Variants in RDX observed in about 807,000 individuals in gnomAD.
RDX encodes radixin, also known as deafness, autosomal recessive 24.
RDX carries 32 observed loss-of-function variants against 83.7 expected under a neutral mutation model. The observed-to-expected ratio is 0.38, with a 90% CI of 0.29 to 0.51. The LOEUF is 0.51. Ranked by LOEUF, RDX falls within the 20% of genes least tolerant of loss-of-function variation. RDX has a pLI of 0.87. For missense variants in RDX, 600 were observed against 689.9 expected (o/e 0.87, Z 1.46); for synonymous variants, 229 against 222.7 (o/e 1.03, Z -0.25).
At chr11:110,237,920 A>G (rs1329663087) in intron 10 of RDX, 1 of 385,836 alleles carries the variant, frequency 2.6e-6, no homozygotes, top group South Asian at 2.9e-5. Context: ...TACAGGCGCT[A>G]TACCTCGTTT....
chr11:110,184,408 G>C (rs1336845982), intron 15 of RDX, among the ~76,000 whole-genome samples: 2 of 152,222 alleles, frequency 1.3e-5, no homozygotes, highest in African/African-American at 4.8e-5. Flanking sequence ...TCCTGGTGTA[G>C]GGAAATCCAG....
rs376337012 is a variant in RDX at position 110,264,028 on chromosome 11, C to T, written c.399G>A (p.Lys133=). 1.3e-5 allele frequency: 21 copies of T among 1,613,546 alleles called. No homozygotes were observed. The highest frequency in any genetic ancestry group is 1.7e-5 in the Non-Finnish European group (20 of 1,179,610). ...GAATCTCTTTATTGTAATCTCCATA[C>T]TTGGCTTGGACAGCATAGGAAGCCA... The part of the protein sequence containing the change: ...VLLASYAVQA[K]YGDYNKEIHK... Residue 133 remains lysine, a synonymous_variant, in exon 5 of 14, where the codon AAG becomes AAA. Transcript: ENST00000645495.
At chr11:110,208,354 T>C (rs1334071223) in intron 14 of RDX, among the ~76,000 whole-genome samples, 1 of 152,212 alleles carries the variant, frequency 6.6e-6, no homozygotes, top group Non-Finnish European at 1.5e-5. Flanking sequence ...TGCTGCCTGA[T>C]AACTTCATTT....
chr11:110,205,274 C>G (rs1418533742), intron 14 of RDX, among the ~76,000 whole-genome samples: 1 of 151,666 alleles, frequency 6.6e-6, no homozygotes, highest in Non-Finnish European at 1.5e-5. Flanking sequence ...GTAAAAATAA[C>G]CAAACTTTTA....
chr11:110,183,958 T>C (rs532425526), intron 15 of RDX, among the ~76,000 whole-genome samples: 1 of 152,294 alleles, frequency 6.6e-6, no homozygotes, highest in South Asian at 2.1e-4. Flanking sequence ...CTGTGCATTG[T>C]AGGATGTTTT....
chr11:110,278,526 CTAAA>C (rs1435544988), intron 2 of RDX, among the ~76,000 whole-genome samples: 1 of 151,940 alleles, frequency 6.6e-6, no homozygotes, highest in Non-Finnish European at 1.5e-5. Context: ...TTTTTAATAA[CTAAA>C]TAACCAAACT....
chr11:110,242,069 C>A (rs963035751), intron 10 of RDX, among the ~76,000 whole-genome samples: 1 of 152,058 alleles, frequency 6.6e-6, no homozygotes, highest in Middle Eastern at 3.2e-3. Context: ...TTTAGTTTTA[C>A]AAGATGAAAA....
chr11:110,281,938 CA>C (rs750336725), intron 1 of RDX, among the ~76,000 whole-genome samples: 1,655 of 91,182 alleles, frequency 0.018, 15 homozygotes, highest in African/African-American at 0.028. Context: ...CCATCTCTAT[CA>C]AAAAAAAAAA....
At chr11:110,228,313 G>A (rs1565302560), downstream of RDX, among the ~76,000 whole-genome samples, 1 of 152,006 alleles carries the variant, frequency 6.6e-6, no homozygotes, top group Non-Finnish European at 1.5e-5. Flanking sequence ...GCTTTTGTAT[G>A]AGCTAGAATA....
At chr11:110,198,589 T>C (rs1445789299) in intron 15 of RDX, among the ~76,000 whole-genome samples, 1 of 152,194 alleles carries the variant, frequency 6.6e-6, no homozygotes, top group Non-Finnish European at 1.5e-5. Context: ...TATTGTGAAT[T>C]GTGCATGCGA....
chr11:110,262,938 G>A (rs1196840440), intron 5 of RDX, among the ~76,000 whole-genome samples: 3 of 152,168 alleles, frequency 2.0e-5, no homozygotes, highest in Admixed American at 1.3e-4. Flanking sequence ...CAATGCACCA[G>A]CCTAGGAGTC....
chr11:110,269,779 T>C (rs903211117), intron 3 of RDX, among the ~76,000 whole-genome samples: 2 of 152,156 alleles, frequency 1.3e-5, no homozygotes, highest in Non-Finnish European at 2.9e-5. Flanking sequence ...GGCTCACGCC[T>C]GTAATCCTGG....
At chr11:110,295,132 G>C (rs1861394268) in intron 1 of RDX, among the ~76,000 whole-genome samples, 1 of 152,048 alleles carries the variant, frequency 6.6e-6, no homozygotes, top group African/African-American at 2.4e-5. Flanking sequence ...AAGCACACTG[G>C]GGAAAGCAAA....
At position 110,267,515 on chromosome 11, in the gene RDX, AACACACACACACACACACAC is replaced by A. The variant is rs71053877; in HGVS notation, c.97-2661_97-2642del. Among the ~76,000 whole-genome samples, 306 of 131,452 alleles carry A rather than the reference AACACACACACACACACACAC, an allele frequency of 2.3e-3. 2 individuals are homozygous for A. Among genetic ancestry groups the A allele is most frequent in the African/African-American group, 7.6e-3 (265 of 34,812 alleles). The allele number at this position is 131,452 out of a possible 152,430, so 86.2% of individuals were successfully genotyped here. A position where few individuals can be genotyped will look rare whatever the true frequency, so the allele number is the denominator to read the frequency against. ...GTGCCAGAGCGAGACTCCGTCTCAA[AACACACACACACACACACAC>A]ACACACACACACACACACACACACA... On this transcript the variant is annotated intron_variant, in intron 3 of 13. Transcript: ENST00000645495.
At chr11:110,209,200 CCTTT>C (rs1027293143) in intron 14 of RDX, among the ~76,000 whole-genome samples, 5 of 152,266 alleles carry the variant, frequency 3.3e-5, no homozygotes, top group Admixed American at 6.5e-5. Flanking sequence ...CAGGGAGTTC[CCTTT>C]CTGAGTCAAA....
chr11:110,204,805 G>A (rs1012317183), intron 14 of RDX, among the ~76,000 whole-genome samples: 3 of 152,090 alleles, frequency 2.0e-5, no homozygotes, highest in African/African-American at 4.8e-5. Context: ...GTGAGCTACC[G>A]TGCCCGGCCG....
intron 14 of RDX, among the ~76,000 whole-genome samples, chr11:110,212,776 A>T (rs1216115243): frequency 7.7e-6 from 1 of 129,406 alleles, no homozygotes; most frequent in African/African-American, 3.0e-5. Context: ...CCTTTGACAA[A>T]ATTCAACAAC....
intron 2 of RDX, among the ~76,000 whole-genome samples, chr11:110,274,874 T>C (rs2134410425): frequency 6.6e-6 from 1 of 152,336 alleles, no homozygotes; most frequent in South Asian, 2.1e-4. Context: ...ACAATACTGC[T>C]ATGAACATTC....
chr11:110,177,131 T>C (rs1862790052), intron 15 of RDX, among the ~76,000 whole-genome samples: 1 of 152,142 alleles, frequency 6.6e-6, no homozygotes, highest in Admixed American at 6.5e-5. Context: ...CAGGGCAAAG[T>C]AGTAAAAGCC....
Sources: gnomAD v4.1 joint callset for allele counts (sites outside exome capture counted in the v4.1 genomes callset) on GRCh38, gnomAD v4.1.1 for gene constraint, MANE v1.5 for transcripts, NCBI Gene and HGNC (gene_info 2026-07-23, HGNC 2026-07-21) for gene names.